Variants in PRB3 observed in about 807,000 individuals in gnomAD.
PRB3 encodes proline rich protein BstNI subfamily 3, also known as basic salivary proline-rich protein 3.
A neutral mutation model predicts 10.0 loss-of-function variants in PRB3; 9 were observed. The observed-to-expected ratio is 0.90, with a 90% CI of 0.54 to 1.57. The LOEUF is 1.57. PRB3 is among the 40% of genes most tolerant of loss of function. PRB3 has a pLI of 0.00. For synonymous variants in PRB3, 89 were observed against 138.6 expected (o/e 0.64, Z 2.52); for missense variants, 285 against 385.5 (o/e 0.74, Z 2.18).
intron 3 of PRB3, 37 bp downstream of exon 3, chr12:11,267,139 C>A (rs762890475): frequency 6.4e-7 from 1 of 1,554,594 alleles, no homozygotes; most frequent in Non-Finnish European, 8.9e-7. Context: ...AACTGTAACA[C>A]TTAGAGCACT....
Position 11,267,321 on chromosome 12 carries a change from C to G in PRB3, c.928G>C (p.Gly310Arg), listed in dbSNP as rs760304273. Reference sequence around the variant, plus strand: ...GGATTGCCTCCTGGTGGGGGTGGTCCTTGTGGCCTTCCTGGAGGAGGGGGA... The same window carrying G: ...GGATTGCCTCCTGGTGGGGGTGGTCGTTGTGGCCTTCCTGGAGGAGGGGGA... ...QRPPPPGRPQ[G>R]PPPPGGNPQQ... Residue 310 changes from glycine to arginine, a missense_variant, in exon 3 of 4, where the codon GGA becomes CGA. Coordinates refer to ENST00000538488, the MANE Select transcript of PRB3 (RefSeq NM_001394862.1). 5 of 1,610,650 alleles carry G rather than the reference C, an allele frequency of 3.1e-6. No homozygotes were observed. Among genetic ancestry groups the G allele is most frequent in the Non-Finnish European group, 3.4e-6 (4 of 1,178,614 alleles).
intron 3 of PRB3, 33 bp from the exon 4 acceptor site, chr12:11,266,062 A>C (rs906929534): frequency 2.2e-6 from 1 of 454,872 alleles, no homozygotes; most frequent in Admixed American, 2.3e-5. Context: ...TTCATAGAGC[A>C]GACTTGACAT....
rs1948620310 is a variant in PRB3 at position 11,268,617 on chromosome 12, G to C, written c.100+16C>G. ...AGAAGATAGTTAAAACAGATTGAGA[G>C]TGAATTGGGATTTACCTGATATTAC... On this transcript the variant is annotated intron_variant, in intron 2 of 3. Transcript: ENST00000538488. 1 of 1,600,712 alleles carries C rather than the reference G, an allele frequency of 6.2e-7. No individual in the cohort carries two copies. The highest frequency in any genetic ancestry group is 1.3e-5 in the African/African-American group (1 of 74,570).
chr12:11,267,077 A>G, intron 3 of PRB3, 99 bp downstream of exon 3: 2 of 1,221,132 alleles, frequency 1.6e-6, no homozygotes, highest in Non-Finnish European at 2.4e-6. Flanking sequence ...GTTCTAGGAC[A>G]ATACAATGTC....
At chr12:11,268,278 G>A in intron 2 of PRB3, 130 bp from the exon 3 acceptor site, 1 of 1,463,068 alleles carries the variant, frequency 6.8e-7, no homozygotes, top group Non-Finnish European at 9.4e-7. Flanking sequence ...TGAAGCTCTA[G>A]AACTCTGGAG....
intron 2 of PRB3, 33 bp from the exon 3 acceptor site, chr12:11,268,181 T>C: frequency 1.9e-6 from 3 of 1,613,722 alleles, no homozygotes; most frequent in Non-Finnish European, 2.5e-6. Flanking sequence ...ATTCACTGAA[T>C]AGTTGCCGCA....
In PRB3 at chr12:11,269,659, A is replaced by G. The variant is rs1488610891; in HGVS notation, c.11T>C (p.Ile4Thr). Residue 4 changes from isoleucine to threonine, a missense_variant, in exon 1 of 4, where the codon ATT becomes ACT. Ile to Thr is a moderately conservative substitution (Grantham distance 89). Transcript: ENST00000538488. ...GGCCAGCAGGGCCACCGACAGCAGA[A>G]TCAGTAGCATCTTGCTGGAGGCTCT... MLL[I>T]LLSVALLALS... 1.2e-6 allele frequency: 2 copies of G among 1,613,902 alleles called. No homozygotes were observed. Among genetic ancestry groups the G allele is most frequent in the South Asian group, 1.1e-5 (1 of 91,082 alleles).
In PRB3 at chr12:11,269,506, C is replaced by A. The variant is rs189951051; in HGVS notation, c.64+100G>T. ...GATCCTAGGCATGAAACCTCTGCAGCCCCATCTGTGTTTTCATTCTCCTCT... is the reference window on the plus strand; with the variant it reads ...GATCCTAGGCATGAAACCTCTGCAGACCCATCTGTGTTTTCATTCTCCTCT... On this transcript the variant is annotated intron_variant, in intron 1 of 3. Transcript: ENST00000538488. The A allele has an allele frequency of 1.7e-5, 25 of 1,433,740 alleles. No individual in the cohort carries two copies. The Admixed American group carries it at 1.9e-4, about 11-fold the overall frequency. 88.8% of individuals were successfully genotyped at this position (1,433,740 alleles called of 1,614,324 possible). A position where few individuals can be genotyped will look rare whatever the true frequency, so the allele number is the denominator to read the frequency against.
chr12:11,269,580 C>A (rs775624493), intron 1 of PRB3, 26 bp downstream of exon 1: 1 of 1,613,386 alleles, frequency 6.2e-7, no homozygotes, highest in Admixed American at 1.7e-5. Flanking sequence ...GCAGAGTCAC[C>A]ACATCTTCTC....
rs1047028273 is a variant in PRB3 at position 11,268,520 on chromosome 12, C to A, written c.100+113G>T. The stretch of plus-strand genomic sequence containing the variant: ...AAGATTGCCTGCATTATTAGGGGGA[C>A]TAATATTAATCAATTTCTAAAGGAA... On this transcript the variant is annotated intron_variant, in intron 2 of 3. Coordinates refer to ENST00000538488, the MANE Select transcript of PRB3 (RefSeq NM_001394862.1). 2.2e-6 allele frequency: 3 copies of A among 1,380,556 alleles called. No individual in the cohort carries two copies. The African/African-American group carries it at 4.3e-5, about 20-fold the overall frequency. The allele number at this position is 1,380,556 out of a possible 1,614,324, so 85.5% of individuals were successfully genotyped here.
chr12:11,268,756 A>G, intron 1 of PRB3, 88 bp from the exon 2 acceptor site: 3 of 1,419,516 alleles, frequency 2.1e-6, no homozygotes, highest in African/African-American at 1.4e-5. Flanking sequence ...GGGACTTCTC[A>G]CCACACCCCA....
At position 11,268,761 on chromosome 12, in the gene PRB3, ACCCCATGCATCC is replaced by A; in HGVS notation, c.65-105_65-94del. ...ACAGGGAAAGGGGACTTCTCACCAC[ACCCCATGCATCC>A]CCTAGGTTAGCTCATCAGCTACCAT... On this transcript the variant is annotated intron_variant, in intron 1 of 3. Coordinates refer to ENST00000538488, the MANE Select transcript of PRB3 (RefSeq NM_001394862.1). The A allele has an allele frequency of 2.2e-6, 3 of 1,391,050 alleles. No individual in the cohort carries two copies. The South Asian group carries it at 3.5e-5, about 16-fold the overall frequency. The allele number at this position is 1,391,050 out of a possible 1,614,324, so 86.2% of individuals were successfully genotyped here. A position where few individuals can be genotyped will look rare whatever the true frequency, so the allele number is the denominator to read the frequency against.
Position 11,267,236 on chromosome 12 carries a change from C to T in PRB3, c.1013G>A (p.Gly338Glu). ...KPQGPPPPPQ[G>E]GRPHRPPQGQ... ...CTGGGGAGGTCTGTGTGGTCTGCCC[C>T]CTTGAGGAGGTGGAGGTGGTCCCTG... The change falls in exon 3 of 4, where the codon GGG becomes GAG. Residue 338 changes from glycine (G) to glutamate (E), a missense_variant. Transcript: ENST00000538488. 11 of 1,614,036 alleles carry T rather than the reference C, an allele frequency of 6.8e-6. No homozygotes were observed. The highest frequency in any genetic ancestry group is 8.5e-6 in the Non-Finnish European group (10 of 1,179,988).
chr12:11,268,566 G>GGA lies in PRB3; in HGVS notation c.100+65_100+66dup. Reference sequence around the variant, plus strand: ...AGGAAAATGTTGGTGAGAAGACACTGGAGAACTGATCCATTCATAAGCAGA... The same window carrying GGA: ...AGGAAAATGTTGGTGAGAAGACACTGGAGAGAACTGATCCATTCATAAGCAGA... On this transcript the variant is annotated intron_variant, in intron 2 of 3. Transcript: ENST00000538488. The GGA allele has an allele frequency of 2.0e-6, 3 of 1,519,124 alleles. No homozygotes were observed. The South Asian group carries it at 3.4e-5, about 17-fold the overall frequency. The allele number at this position is 1,519,124 out of a possible 1,614,324, so 94.1% of individuals were successfully genotyped here. A position where few individuals can be genotyped will look rare whatever the true frequency, so the allele number is the denominator to read the frequency against.
chr12:11,268,624 G>A lies in PRB3; in HGVS notation c.100+9C>T. The A allele has an allele frequency of 6.2e-7, 1 of 1,605,170 alleles. No individual in the cohort carries two copies. Among genetic ancestry groups the A allele is most frequent in the Non-Finnish European group, 8.5e-7 (1 of 1,171,880 alleles). ...AGTTAAAACAGATTGAGAGTGAATT[G>A]GGATTTACCTGATATTACGGAGGGA... On this transcript the variant is annotated intron_variant, in intron 2 of 3. Transcript: ENST00000538488.
chr12:11,268,971 G>A (rs1180742418), intron 1 of PRB3, among the ~76,000 whole-genome samples: 1 of 152,072 alleles, frequency 6.6e-6, no homozygotes, highest in Non-Finnish European at 1.5e-5. Context: ...TGATATTTTG[G>A]TATTCTTATG....
chr12:11,266,855 G>T (rs1948591801), intron 3 of PRB3, among the ~76,000 whole-genome samples: 1 of 152,188 alleles, frequency 6.6e-6, no homozygotes, highest in African/African-American at 2.4e-5. Flanking sequence ...CAGTGCTCAG[G>T]TGAAAAATTT....
At position 11,267,232 on chromosome 12, in the gene PRB3, G is replaced by A. The variant is rs1948595153; in HGVS notation, c.1017C>T (p.Gly339=). The change falls in exon 3 of 4, where the codon GGC becomes GGT. Residue 339 remains glycine, a synonymous_variant. Transcript: ENST00000538488. ...PQGPPPPPQG[G]RPHRPPQGQP... ...GTCCCTGGGGAGGTCTGTGTGGTCT[G>A]CCCCCTTGAGGAGGTGGAGGTGGTC... 6.2e-7 allele frequency: 1 copy of A among 1,614,080 alleles called. No individual in the cohort carries two copies. Among genetic ancestry groups the A allele is most frequent in the Non-Finnish European group, 8.5e-7 (1 of 1,179,992 alleles).
At chr12:11,268,174 C>A (rs368607745) in intron 2 of PRB3, 26 bp from the exon 3 acceptor site, 2 of 1,613,644 alleles carry the variant, frequency 1.2e-6, no homozygotes, top group Non-Finnish European at 1.7e-6. Context: ...ACACGGCATT[C>A]ACTGAATAGT....
Sources: gnomAD v4.1 joint callset for allele counts (sites outside exome capture counted in the v4.1 genomes callset) on GRCh38, gnomAD v4.1.1 for gene constraint, MANE v1.5 for transcripts, NCBI Gene and HGNC (gene_info 2026-07-23, HGNC 2026-07-21) for gene names.